Variants in ITLN1 observed in about 807,000 individuals in gnomAD.
ITLN1 encodes intelectin-1.
Under a neutral mutation model 36.2 loss-of-function variants are expected in ITLN1, and 29 were observed. That is an observed-to-expected ratio of 0.80 (90% CI 0.60 to 1.09). The LOEUF (loss-of-function observed/expected upper bound fraction) is 1.09, where lower values mean the gene tolerates loss of function less well. ITLN1 is among the 50% of genes least tolerant of loss of function. The probability of loss-of-function intolerance (pLI) is 0.00; values close to 1 mark genes in which losing one functional copy is unlikely to be tolerated. For missense variants in ITLN1, 358 were observed against 405.2 expected (o/e 0.88, Z 1.00); for synonymous variants, 143 against 146.5 (o/e 0.98, Z 0.17).
Position 160,883,439 on chromosome 1 carries a change from G to A in ITLN1, c.146C>T (p.Pro49Leu). Residue 49 changes from proline (P) to leucine (L), a missense_variant, in exon 3 of 8, where the codon CCT becomes CTT. By Grantham distance (98) the Pro-to-Leu change is moderately conservative. Coordinates refer to ENST00000326245, the MANE Select transcript of ITLN1 (RefSeq NM_017625.3). ...RSCKEIKDECPSAFDGLYFLR... is the reference protein window; with the variant it reads ...RSCKEIKDECLSAFDGLYFLR... Reference sequence around the variant, plus strand: ...GTTTCATCACTCACCAAATGCACTAGGACATTCGTCTTTGATTTCCTTGCA... The same window carrying A: ...GTTTCATCACTCACCAAATGCACTAAGACATTCGTCTTTGATTTCCTTGCA... 1 of 1,610,896 alleles carries A rather than the reference G, an allele frequency of 6.2e-7. No individual in the cohort carries two copies. The highest frequency in any genetic ancestry group is 8.5e-7 in the Non-Finnish European group (1 of 1,177,106).
chr1:160,879,912 G>T (rs1207214602), intron 6 of ITLN1, among the ~76,000 whole-genome samples: 3 of 152,064 alleles, frequency 2.0e-5, no homozygotes, highest in African/African-American at 7.2e-5. Flanking sequence ...AGAAAAAAAA[G>T]TCTCGCCATT....
chr1:160,883,730 C>T (rs751171798), intron 2 of ITLN1, among the ~76,000 whole-genome samples: 2 of 152,164 alleles, frequency 1.3e-5, no homozygotes, highest in Non-Finnish European at 2.9e-5. Context: ...TCAGCCCATC[C>T]GACCTGACAG....
chr1:160,877,335 C>T lies in ITLN1; in HGVS notation c.790-519G>A, dbSNP rs149919277. On this transcript the variant is annotated intron_variant, in intron 7 of 7. Transcript: ENST00000326245. ...GAATATTCATGCTCAGAGCCCCTGCCTGTTCTCTTCTTTCATAAATCCTCT... is the reference window on the plus strand; with the variant it reads ...GAATATTCATGCTCAGAGCCCCTGCTTGTTCTCTTCTTTCATAAATCCTCT... Among the ~76,000 whole-genome samples the T allele has an allele frequency of 1.4e-4, 22 of 152,272 alleles. No individual in the cohort carries two copies. The East Asian group carries it at 3.9e-3, about 27-fold the overall frequency.
chr1:160,878,028 T>A (rs148525455), intron 7 of ITLN1, among the ~76,000 whole-genome samples: 2,080 of 152,170 alleles, frequency 0.014, 48 homozygotes, highest in African/African-American at 0.045. Flanking sequence ...ATTAGCCCAG[T>A]GTGGTGGCTT....
chr1:160,880,500 A>G (rs1670657402), intron 6 of ITLN1, 88 bp downstream of exon 6: 25 of 1,390,352 alleles, frequency 1.8e-5, no homozygotes, highest in Non-Finnish European at 2.3e-5. Flanking sequence ...GAGAGAACCA[A>G]GCTTCAGTCC....
chr1:160,880,700 T>A lies in ITLN1; in HGVS notation c.573A>T (p.Pro191=). Residue 191 remains proline, a synonymous_variant, in exon 6 of 8, where the codon CCA becomes CCT. Transcript: ENST00000326245. ...AACACTTTCCTTCTCCATATTTCAC[T>A]GGATATTTCTACAAAGAACACAGAA... is the stretch of plus-strand genomic sequence containing the variant. ...HNLFGIYQKY[P]VKYGEGKCWT... is the part of the protein sequence containing the mutation. 1 of 1,614,106 alleles carries A rather than the reference T, an allele frequency of 6.2e-7. No individual in the cohort carries two copies. Among genetic ancestry groups the A allele is most frequent in the Non-Finnish European group, 8.5e-7 (1 of 1,180,000 alleles).
In ITLN1 at chr1:160,885,086, C is replaced by T. The variant is rs150060331; in HGVS notation, c.-32G>A. The stretch of plus-strand genomic sequence containing the variant: ...CTTGTCTGAGTCTCAGCTGCACTTT[C>T]CTTGGGTACAGAGAGCTCCTTCACT... On this transcript the variant is annotated 5_prime_UTR_variant, in exon 1 of 8. Transcript: ENST00000326245. 4.7e-3 allele frequency: 2,407 copies of T among 513,794 alleles called. 10 individuals carry two copies. The highest frequency in any genetic ancestry group is 5.7e-3 in the Non-Finnish European group (1,615 of 283,156). 31.8% of individuals were successfully genotyped at this position (513,794 alleles called of 1,614,324 possible). A position where few individuals can be genotyped will look rare whatever the true frequency, so the allele number is the denominator to read the frequency against.
intron 7 of ITLN1, 32 bp downstream of exon 7, chr1:160,879,279 C>T: frequency 6.6e-7 from 1 of 1,519,200 alleles, no homozygotes; most frequent in Non-Finnish European, 9.1e-7. Flanking sequence ...CGACCTTACT[C>T]ACAGGTCCCT....
At chr1:160,880,737 G>A (rs1225224599) in intron 5 of ITLN1, 29 bp from the exon 6 acceptor site, 11 of 1,613,134 alleles carry the variant, frequency 6.8e-6, no homozygotes, top group Non-Finnish European at 9.3e-6. Context: ...AAGTCATGGA[G>A]TAAAGACAAT....
chr1:160,876,565 C>G lies in ITLN1; in HGVS notation c.*99G>C, dbSNP rs1472318973. On this transcript the variant is annotated 3_prime_UTR_variant, in exon 8 of 8. Transcript: ENST00000326245. ...TTGAGTCAATATGATTTATTGTTTT[C>G]TCTTCTGCCATTAACATTCTAGCTA... 8.1e-7 allele frequency: 1 copy of G among 1,229,614 alleles called. No homozygotes were observed. The highest frequency in any genetic ancestry group is 1.5e-5 in the African/African-American group (1 of 66,356). The allele number at this position is 1,229,614 out of a possible 1,614,324, so 76.2% of individuals were successfully genotyped here. A position where few individuals can be genotyped will look rare whatever the true frequency, so the allele number is the denominator to read the frequency against.
chr1:160,881,186 T>C lies in ITLN1; in HGVS notation c.532A>G (p.Thr178Ala). ...RYRTDTGFLQ[T>A]LGHNLFGIYQ... ...ATGCCAAACAGATTATGTCCCAGTG[T>C]CTGGAGGAAGCCAGTGTCCGTGCGG... The change falls in exon 5 of 8, where the codon ACA (threonine) becomes GCA (alanine). Residue 178 changes from threonine (T) to alanine (A), a missense_variant. By Grantham distance (58) the Thr-to-Ala change is moderately conservative. Coordinates refer to ENST00000326245, the MANE Select transcript of ITLN1 (RefSeq NM_017625.3). The C allele has an allele frequency of 6.2e-7, 1 of 1,613,256 alleles. No individual in the cohort carries two copies. Among genetic ancestry groups the C allele is most frequent in the African/African-American group, 1.3e-5 (1 of 75,018 alleles).
At chr1:160,884,286 G>C (rs1020513147) in intron 2 of ITLN1, among the ~76,000 whole-genome samples, 1 of 152,128 alleles carries the variant, frequency 6.6e-6, no homozygotes, top group African/African-American at 2.4e-5. Context: ...AACAGTCTAG[G>C]GGAAAGCTGT....
chr1:160,883,288 T>C (rs1670708326), intron 3 of ITLN1, 140 bp downstream of exon 3: 2 of 569,770 alleles, frequency 3.5e-6, no homozygotes, highest in South Asian at 4.2e-5. Context: ...ACACTTAATG[T>C]TGCTTAAAAT....
chr1:160,882,109 C>T lies in ITLN1; in HGVS notation c.253G>A (p.Val85Met), dbSNP rs147176765. Residue 85 changes from valine to methionine, a missense_variant, in exon 4 of 8, where the codon GTG (valine) becomes ATG (methionine). Coordinates refer to ENST00000326245, the MANE Select transcript of ITLN1 (RefSeq NM_017625.3). ...TTCCCACGCATGTCATTCTCGTGCACGCTGGCCACCAGGGTCCAGCCGCCA... is the reference window on the plus strand; with the variant it reads ...TTCCCACGCATGTCATTCTCGTGCATGCTGGCCACCAGGGTCCAGCCGCCA... ...GGGGWTLVAS[V>M]HENDMRGKCT... 53 of 1,614,076 alleles carry T rather than the reference C, an allele frequency of 3.3e-5. No homozygotes were observed. Among genetic ancestry groups the T allele is most frequent in the African/African-American group, 1.3e-4 (10 of 75,040 alleles).
At chr1:160,880,071 G>A (rs549053723) in intron 6 of ITLN1, among the ~76,000 whole-genome samples, 12 of 152,142 alleles carry the variant, frequency 7.9e-5, no homozygotes, top group East Asian at 3.9e-4. Context: ...TTTGGGAGCC[G>A]AAGGGGGCGG....
At position 160,885,053 on chromosome 1, in the gene ITLN1, T is replaced by G. The variant is rs1163375331; in HGVS notation, c.-7+8A>C. 4 of 556,062 alleles carry G rather than the reference T, an allele frequency of 7.2e-6. No homozygotes were observed. The highest frequency in any genetic ancestry group is 1.3e-5 in the Non-Finnish European group (4 of 306,934). The allele number at this position is 556,062 out of a possible 1,614,324, so 34.4% of individuals were successfully genotyped here. A position where few individuals can be genotyped will look rare whatever the true frequency, so the allele number is the denominator to read the frequency against. ...AAGCTGAAAACAGGATTCCCCCAACTCACAGACCTTGTCTGAGTCTCAGCT... is the reference window on the plus strand; with the variant it reads ...AAGCTGAAAACAGGATTCCCCCAACGCACAGACCTTGTCTGAGTCTCAGCT... On this transcript the variant is annotated splice_region_variant and intron_variant, in intron 1 of 7. Transcript: ENST00000326245.
In ITLN1 at chr1:160,882,222, C is replaced by T; in HGVS notation, c.158-18G>A. On this transcript the variant is annotated intron_variant, in intron 3 of 7. Coordinates refer to ENST00000326245, the MANE Select transcript of ITLN1 (RefSeq NM_017625.3). ...CAGGCCATCTGTAGAGAGAACCAGC[C>T]CAGAGCCTCCCTGTCTGAGAGCTGA... is the stretch of plus-strand genomic sequence containing the variant. The T allele has an allele frequency of 6.4e-7, 1 of 1,551,140 alleles. No individual in the cohort carries two copies. Among genetic ancestry groups the T allele is most frequent in the Non-Finnish European group, 8.7e-7 (1 of 1,147,174 alleles).
intron 4 of ITLN1, 32 bp downstream of exon 4, chr1:160,881,925 C>T: frequency 6.2e-7 from 1 of 1,614,158 alleles, no homozygotes; most frequent in Non-Finnish European, 8.5e-7. Flanking sequence ...CACTCCTCAC[C>T]CTCACCCGAG....
At position 160,884,760 on chromosome 1, in the gene ITLN1, G is replaced by T; in HGVS notation, c.58+60C>A. 4.3e-6 allele frequency: 5 copies of T among 1,165,358 alleles called. No homozygotes were observed. The South Asian group carries it at 5.0e-5, about 12-fold the overall frequency. The allele number at this position is 1,165,358 out of a possible 1,614,324, so 72.2% of individuals were successfully genotyped here. A position where few individuals can be genotyped will look rare whatever the true frequency, so the allele number is the denominator to read the frequency against. ...AGGACATGCTCTGTGTCCTGGGAGAGACCAGGATCCCGGAAGTCATCCAGC... is the reference window on the plus strand; with the variant it reads ...AGGACATGCTCTGTGTCCTGGGAGATACCAGGATCCCGGAAGTCATCCAGC... On this transcript the variant is annotated intron_variant, in intron 2 of 7. Coordinates refer to ENST00000326245, the MANE Select transcript of ITLN1 (RefSeq NM_017625.3).
Sources: allele counts gnomAD v4.1 joint callset (sites outside exome capture counted in the v4.1 genomes callset), GRCh38; gene constraint gnomAD v4.1.1; transcripts MANE v1.5; gene names NCBI Gene and HGNC (gene_info 2026-07-23, HGNC 2026-07-21).